BBS1: variants seen among roughly 807,000 people sequenced by gnomAD.
BBS1 encodes the protein BBSome complex member BBS1.
BBS1 carries 60 observed loss-of-function variants against 73.9 expected under a neutral mutation model. That is an observed-to-expected ratio of 0.81 (90% CI 0.66 to 1.01). The LOEUF (loss-of-function observed/expected upper bound fraction) is 1.01. BBS1 is among the 50% of genes least tolerant of loss of function. The pLI is 0.00. For synonymous variants in BBS1, 283 were observed against 317.4 expected (o/e 0.89, Z 1.15); for missense variants, 718 against 770.3 (o/e 0.93, Z 0.80).
intron 13 of BBS1, 34 bp from the exon 14 acceptor site, chr11:66,529,785 C>A: frequency 1.2e-6 from 2 of 1,608,176 alleles, no homozygotes; most frequent in Non-Finnish European, 1.7e-6. Context: ...CACCCCCCAC[C>A]TCCACCGTCA....
Position 66,523,867 on chromosome 11 carries a change from T to A in BBS1, c.1095T>A (p.Asn365Lys). The change falls in exon 11 of 17, where the codon AAT (asparagine) becomes AAA (lysine). Residue 365 changes from asparagine to lysine, a missense_variant. Physicochemically the swap from Asn to Lys is moderately conservative, Grantham distance 94. Transcript: ENST00000318312. ...VRIYRDKALLNVIHTPDAVTS... is the reference protein window; with the variant it reads ...VRIYRDKALLKVIHTPDAVTS... ...TTTATCGTGACAAGGCCCTGCTCAA[T>A]GTCATCCACACCCCGGTGAGCCCCA... 1 of 1,613,378 alleles carries A rather than the reference T, an allele frequency of 6.2e-7. No individual in the cohort carries two copies. Among genetic ancestry groups the A allele is most frequent in the Non-Finnish European group, 8.5e-7 (1 of 1,180,030 alleles).
rs755694656 is a variant in BBS1, at chr11:66,526,937, TC to T, written c.1339+131del. Reference sequence around the variant, plus strand: ...CGGCCAACTAGGTAGGTCACTCACCTCTGCAAATCCAGGGACAGCCTAGGAG... The same window carrying T: ...CGGCCAACTAGGTAGGTCACTCACCTTGCAAATCCAGGGACAGCCTAGGAG... On this transcript the variant is annotated intron_variant, in intron 13 of 16. Coordinates refer to ENST00000318312, the MANE Select transcript of BBS1 (RefSeq NM_024649.5). The T allele has an allele frequency of 3.1e-6, 5 of 1,594,084 alleles. No homozygotes were observed. The African/African-American group carries it at 6.7e-5, about 21-fold the overall frequency.
chr11:66,529,318 G>T, intron 13 of BBS1: 1 of 1,536,196 alleles, frequency 6.5e-7, no homozygotes, highest in Non-Finnish European at 8.7e-7. Flanking sequence ...GGACCATGAG[G>T]CTGGTTTCCG....
intron 12 of BBS1, 147 bp from the exon 13 acceptor site, chr11:66,526,502 A>G: frequency 1.0e-6 from 1 of 978,458 alleles, no homozygotes; most frequent in Non-Finnish European, 1.6e-6. Context: ...ATTAAGATGC[A>G]CTTTGTTACT....
At position 66,532,987 on chromosome 11, in the gene BBS1, C is replaced by T. The variant is rs1344507018; in HGVS notation, c.*950C>T. ...GAAGTTCCCAGGGCAGTGGTCACAT[C>T]GTGAGAATTAGCAGGAAAGGCGGGG... On this transcript the variant is annotated 3_prime_UTR_variant, in exon 17 of 17. Transcript: ENST00000318312. The T allele has an allele frequency of 2.0e-5, 3 of 152,184 alleles. No individual in the cohort carries two copies. The highest frequency in any genetic ancestry group is 2.9e-5 in the Non-Finnish European group (2 of 68,042). The allele number at this position is 152,184 out of a possible 1,614,324, so 9.4% of individuals were successfully genotyped here. A position where few individuals can be genotyped will look rare whatever the true frequency, so the allele number is the denominator to read the frequency against.
chr11:66,520,408 C>G (rs1176372468), intron 8 of BBS1: 2 of 153,554 alleles, frequency 1.3e-5, no homozygotes, highest in East Asian at 3.8e-4. Flanking sequence ...CCTCAGCCAC[C>G]TGAGTAGCTG....
rs1856803848 is a variant in BBS1, at chr11:66,531,976, G to A, written c.1721G>A (p.Ser574Asn). 2 of 1,604,112 alleles carry A rather than the reference G, an allele frequency of 1.2e-6. No homozygotes were observed. Among genetic ancestry groups the A allele is most frequent in the African/African-American group, 1.3e-5 (1 of 74,636 alleles). The change falls in exon 17 of 17, where the codon AGT (serine) becomes AAT (asparagine). Residue 574 changes from serine to asparagine, a missense_variant. Physicochemically the swap from Ser to Asn is conservative, Grantham distance 46. Transcript: ENST00000318312. The stretch of plus-strand genomic sequence containing the variant: ...GTGCTGGTGCTTCGAGAAGGCCAAA[G>A]TGCACCCCTGCTGAGTGCCCACGTC... ...IKVLVLREGQ[S>N]APLLSAHVNM...
chr11:66,521,256 C>T lies in BBS1; in HGVS notation c.724-14C>T. 1 of 1,608,678 alleles carries T rather than the reference C, an allele frequency of 6.2e-7. No homozygotes were observed. Among genetic ancestry groups the T allele is most frequent in the Non-Finnish European group, 8.5e-7 (1 of 1,175,092 alleles). Reference sequence around the variant, plus strand: ...CTCCAGAGAAATTGGAGTGTTTGCGCTTCTTGTTTGCAGATGAGCCTTCCC... The same window carrying T: ...CTCCAGAGAAATTGGAGTGTTTGCGTTTCTTGTTTGCAGATGAGCCTTCCC... On this transcript the variant is annotated splice_polypyrimidine_tract_variant and intron_variant, in intron 8 of 16. Transcript: ENST00000318312.
chr11:66,525,572 A>T (rs1202330753), intron 11 of BBS1, among the ~76,000 whole-genome samples: 1 of 152,190 alleles, frequency 6.6e-6, no homozygotes, highest in Non-Finnish European at 1.5e-5. Context: ...TCAAAAAAAA[A>T]GTATGTCACA....
At chr11:66,523,375 T>G (rs1856324927) in intron 9 of BBS1, 81 bp from the exon 10 acceptor site, 16 of 1,597,432 alleles carry the variant, frequency 1.0e-5, no homozygotes, top group East Asian at 2.2e-5. Context: ...GGTGAGTCCA[T>G]GAGGTTTAGA....
Position 66,514,684 on chromosome 11 carries a change from T to C in BBS1, c.432+6T>C. The C allele has an allele frequency of 6.2e-7, 1 of 1,609,700 alleles. No individual in the cohort carries two copies. On this transcript the variant is annotated splice_donor_region_variant and intron_variant, in intron 4 of 16. Transcript: ENST00000318312. The stretch of plus-strand genomic sequence containing the variant: ...TTTGGAACCAGGCCAAAGAGGTAAA[T>C]AAATAACATGGGAGTTGGGAACCAG...
rs760619877 is a variant in BBS1, at chr11:66,531,025, C to T, written c.1605C>T (p.Phe535=). The T allele has an allele frequency of 1.9e-6, 3 of 1,614,078 alleles. No homozygotes were observed. The highest frequency in any genetic ancestry group is 2.2e-5 in the South Asian group (2 of 91,090). Residue 535 remains phenylalanine (F), a synonymous_variant, in exon 15 of 17, where the codon TTC becomes TTT. Coordinates refer to ENST00000318312, the MANE Select transcript of BBS1 (RefSeq NM_024649.5). ...EALYSLPRAF[F]KVPLLVPGLN... ...TCTATTCCCTGCCCCGGGCCTTCTT[C>T]AAGGTACTGGATGCTCCTCACTTAG...
intron 4 of BBS1, among the ~76,000 whole-genome samples, 171 bp from the exon 5 acceptor site, chr11:66,515,369 A>G (rs1856026850): frequency 6.6e-6 from 1 of 152,178 alleles, no homozygotes; most frequent in African/African-American, 2.4e-5. Context: ...GTACATGGCC[A>G]TGAGACTGGA....
Position 66,511,110 on chromosome 11 carries a change from A to G in BBS1, c.124+21A>G, listed in dbSNP as rs767624328. ...CCTAGGTGAGTCTCTGGAACCAGGA[A>G]CCCTGGGTTCTAGTGGGATGGGGAG... On this transcript the variant is annotated intron_variant, in intron 2 of 16. Coordinates refer to ENST00000318312, the MANE Select transcript of BBS1 (RefSeq NM_024649.5). 4 of 1,613,780 alleles carry G rather than the reference A, an allele frequency of 2.5e-6. No individual in the cohort carries two copies. The South Asian group carries it at 4.4e-5, about 18-fold the overall frequency.
At chr11:66,524,936 C>T (rs759811240) in intron 11 of BBS1, among the ~76,000 whole-genome samples, 4 of 152,066 alleles carry the variant, frequency 2.6e-5, no homozygotes, top group Admixed American at 6.6e-5. Flanking sequence ...CACGGTGGCT[C>T]ACGTCTGTAA....
At chr11:66,528,615 G>T (rs1332685977) in intron 13 of BBS1, among the ~76,000 whole-genome samples, 1 of 152,126 alleles carries the variant, frequency 6.6e-6, no homozygotes, top group East Asian at 1.9e-4. Context: ...TGAATTGGCA[G>T]GGAGATGTGA....
chr11:66,529,864 G>C lies in BBS1; in HGVS notation c.1385G>C (p.Arg462Pro). 1 of 1,610,486 alleles carries C rather than the reference G, an allele frequency of 6.2e-7. No homozygotes were observed. Among genetic ancestry groups the C allele is most frequent in the South Asian group, 1.1e-5 (1 of 91,076 alleles). Reference protein sequence around the residue: ...FQTDLYLLRLRAARAYLQALE... With the variant: ...FQTDLYLLRLPAARAYLQALE... ...ACAGACCTATACCTGCTGCGCCTAC[G>C]TGCTGCCCGCGCCTACCTGCAGGCC... Residue 462 changes from arginine to proline, a missense_variant, in exon 14 of 17, where the codon CGT (arginine) becomes CCT (proline). Arg to Pro is a moderately radical substitution (Grantham distance 103). Coordinates refer to ENST00000318312, the MANE Select transcript of BBS1 (RefSeq NM_024649.5).
At chr11:66,514,230 A>G (rs1253435511) in intron 3 of BBS1, among the ~76,000 whole-genome samples, 176 bp from the exon 4 acceptor site, 1 of 152,226 alleles carries the variant, frequency 6.6e-6, no homozygotes, top group African/African-American at 2.4e-5. Context: ...CAAGCGGGAA[A>G]CCTGAGATTC....
Position 66,519,666 on chromosome 11 carries a change from A to G in BBS1, c.641A>G (p.Asp214Gly). The change falls in exon 8 of 17, where the codon GAT becomes GGT. Residue 214 changes from aspartate (D) to glycine (G), a missense_variant. By Grantham distance (94) the Asp-to-Gly change is moderately conservative (BLOSUM62 -1). Transcript: ENST00000318312. The part of the protein sequence containing the change: ...TTLKKNLADE[D>G]AVSCLVLGTE... Reference sequence around the variant, plus strand: ...TTGAAGAAGAACCTGGCTGACGAGGATGCTGTGTCTTGCCTGGTGCTGGGC... The same window carrying G: ...TTGAAGAAGAACCTGGCTGACGAGGGTGCTGTGTCTTGCCTGGTGCTGGGC... 1 of 1,613,798 alleles carries G rather than the reference A, an allele frequency of 6.2e-7. No homozygotes were observed.
Sources: allele counts gnomAD v4.1 joint callset (sites outside exome capture counted in the v4.1 genomes callset), GRCh38; gene constraint gnomAD v4.1.1; transcripts MANE v1.5; gene names NCBI Gene and HGNC (gene_info 2026-07-23, HGNC 2026-07-21).